The following SRP72 variants were observed in gnomAD, a reference collection of about 807,000 sequenced individuals.
The protein encoded by SRP72 is signal recognition particle subunit SRP72.
Under a neutral mutation model 96.3 loss-of-function variants are expected in SRP72, and 49 were observed. The observed-to-expected ratio is 0.51, with a 90% CI of 0.40 to 0.65. SRP72 has a LOEUF of 0.65. Among genes scored for constraint, SRP72 ranks in the 30% least tolerant of loss-of-function variants. The probability of loss-of-function intolerance (pLI) is 0.00; values close to 1 mark genes in which losing one functional copy is unlikely to be tolerated. For missense variants in SRP72, 736 were observed against 793.3 expected (o/e 0.93, Z 0.87); for synonymous variants, 267 against 275.2 (o/e 0.97, Z 0.30).
At chr4:56,488,382 T>C (rs1425412544) in intron 12 of SRP72, among the ~76,000 whole-genome samples, 1 of 152,208 alleles carries the variant, frequency 6.6e-6, no homozygotes, top group Admixed American at 6.5e-5. Context: ...TATTCAAATA[T>C]TGCAGGTTTC....
At chr4:56,482,070 G>T (rs566950887) in intron 8 of SRP72, among the ~76,000 whole-genome samples, 1 of 150,526 alleles carries the variant, frequency 6.6e-6, no homozygotes. Flanking sequence ...GGCCATGGTG[G>T]TATCATTTTT....
rs779812008 is a variant in SRP72, at chr4:56,474,100, A to T, written c.401A>T (p.Asp134Val). The change falls in exon 4 of 19, where the codon GAT becomes GTT. Residue 134 changes from aspartate to valine, a missense_variant. By Grantham distance (152) the Asp-to-Val change is radical. This residue lies in a region of SRP72 where 329 missense variants were observed against 319.0 expected (regional missense o/e 1.03). Coordinates refer to ENST00000642900, the MANE Select transcript of SRP72 (RefSeq NM_006947.4). Reference protein sequence around the residue: ...RYDECLAVYRDLVRNSQDDYD... With the variant: ...RYDECLAVYRVLVRNSQDDYD... Reference sequence around the variant, plus strand: ...GATGAATGCTTAGCAGTGTATAGAGATCTCGTCCGAAACTCCCAAGATGAT... The same window carrying T: ...GATGAATGCTTAGCAGTGTATAGAGTTCTCGTCCGAAACTCCCAAGATGAT... 1 of 1,614,096 alleles carries T rather than the reference A, an allele frequency of 6.2e-7. No homozygotes were observed. The highest frequency in any genetic ancestry group is 1.3e-5 in the African/African-American group (1 of 75,048).
Position 56,501,938 on chromosome 4 carries a change from G to A in SRP72, c.*77G>A, listed in dbSNP as rs769706907. On this transcript the variant is annotated 3_prime_UTR_variant, in exon 19 of 19. Transcript: ENST00000642900. ...GAATATAATAAAGGTAACACAGCAAGAAGCACAGAACTACTCCCTCTTCAT... is the reference window on the plus strand; with the variant it reads ...GAATATAATAAAGGTAACACAGCAAAAAGCACAGAACTACTCCCTCTTCAT... The A allele has an allele frequency of 6.9e-7, 1 of 1,449,410 alleles. No individual in the cohort carries two copies. Among genetic ancestry groups the A allele is most frequent in the East Asian group, 2.3e-5 (1 of 43,864 alleles). The allele number at this position is 1,449,410 out of a possible 1,614,324, so 89.8% of individuals were successfully genotyped here. A position where few individuals can be genotyped will look rare whatever the true frequency, so the allele number is the denominator to read the frequency against.
intron 18 of SRP72, 134 bp downstream of exon 18, chr4:56,500,829 C>G (rs913288728): frequency 3.6e-6 from 3 of 844,526 alleles, no homozygotes; most frequent in Non-Finnish European, 5.1e-6. Context: ...TTATACTACA[C>G]TTATGCAAAT....
chr4:56,478,767 T>C (rs1720351230), intron 8 of SRP72, 118 bp downstream of exon 8: 1 of 991,160 alleles, frequency 1.0e-6, no homozygotes, highest in Admixed American at 2.8e-5. Context: ...AAAAGTCCAG[T>C]TGTAGCAAAA....
At chr4:56,475,140 CAA>C (rs1466529568) in intron 5 of SRP72, among the ~76,000 whole-genome samples, 2 of 152,110 alleles carry the variant, frequency 1.3e-5, no homozygotes, top group African/African-American at 2.4e-5. Flanking sequence ...AAAGGTGAAA[CAA>C]AGTCTGTTTT....
At chr4:56,477,966 A>G (rs1184294835) in intron 6 of SRP72, among the ~76,000 whole-genome samples, 7 of 152,156 alleles carry the variant, frequency 4.6e-5, no homozygotes, top group Non-Finnish European at 8.8e-5. Context: ...AGAGAAAAGC[A>G]TTTTTAAATG....
intron 6 of SRP72, among the ~76,000 whole-genome samples, chr4:56,477,738 G>A (rs1042578197): frequency 6.6e-6 from 1 of 152,190 alleles, no homozygotes; most frequent in Non-Finnish European, 1.5e-5. Flanking sequence ...TTAAAGGACT[G>A]TTGTCTCCTA....
At chr4:56,471,362 A>G (rs17086801) in intron 2 of SRP72, among the ~76,000 whole-genome samples, 12,670 of 152,258 alleles carry the variant, frequency 0.083, 682 homozygotes, top group East Asian at 0.27. Flanking sequence ...TTGTTTTGTT[A>G]ATGAATTTAA....
intron 9 of SRP72, among the ~76,000 whole-genome samples, chr4:56,484,003 T>C (rs1172573387): frequency 6.7e-6 from 1 of 149,444 alleles, no homozygotes; most frequent in Non-Finnish European, 1.5e-5. Flanking sequence ...GCAGAAGTTT[T>C]AGTGGGAGAC....
chr4:56,499,031 A>G (rs1209652056), intron 17 of SRP72, among the ~76,000 whole-genome samples: 1 of 152,230 alleles, frequency 6.6e-6, no homozygotes, highest in Non-Finnish European at 1.5e-5. Context: ...ACAAGGCTAC[A>G]GTAACCAAAA....
rs1183926774 is a variant in SRP72 at position 56,503,555 on chromosome 4, T to C, written c.*1694T>C. 1.3e-5 allele frequency: 2 copies of C among 152,236 alleles called. No homozygotes were observed. Among genetic ancestry groups the C allele is most frequent in the African/African-American group, 4.8e-5 (2 of 41,468 alleles). 9.4% of individuals were successfully genotyped at this position (152,236 alleles called of 1,614,324 possible). A position where few individuals can be genotyped will look rare whatever the true frequency, so the allele number is the denominator to read the frequency against. On this transcript the variant is annotated 3_prime_UTR_variant, in exon 19 of 19. Coordinates refer to ENST00000642900, the MANE Select transcript of SRP72 (RefSeq NM_006947.4). ...ATATTTCCTCTTTTGGATAGGTCTT[T>C]AACCAGTTCATATATATACTTTGTC...
intron 5 of SRP72, among the ~76,000 whole-genome samples, chr4:56,475,394 CAAAA>C (rs1322656151): frequency 9.4e-6 from 1 of 106,468 alleles, no homozygotes; most frequent in Non-Finnish European, 1.8e-5. Context: ...TTCGTTTTTA[CAAAA>C]AAAAAATATA....
rs1054424408 is a variant in SRP72, at chr4:56,467,668, A to G, written c.33A>G (p.Val11=). The change falls in exon 1 of 19, where the codon GTA becomes GTG. Residue 11 remains valine, a synonymous_variant. Transcript: ENST00000642900. The stretch of plus-strand genomic sequence containing the variant: ...GCGGCGGCAGCGGGGGGGTGTCAGT[A>G]CCTGCGCTGTGGAGTGAAGTGAACC... MASGGSGGVS[V]PALWSEVNRY... is the part of the protein sequence containing the mutation. 1.3e-6 allele frequency: 2 copies of G among 1,561,350 alleles called. No homozygotes were observed. The highest frequency in any genetic ancestry group is 3.9e-5 in the Admixed American group (2 of 51,772).
At position 56,467,859 on chromosome 4, in the gene SRP72, C is replaced by T. The variant is rs544134283; in HGVS notation, c.109+115C>T. ...CACGGGAAGGGGAGACCCCCGAAAC[C>T]CCCCCGTCTATTGTCCGCCCGGCTC... On this transcript the variant is annotated intron_variant, in intron 1 of 18. Coordinates refer to ENST00000642900, the MANE Select transcript of SRP72 (RefSeq NM_006947.4). 4.8e-6 allele frequency: 5 copies of T among 1,036,134 alleles called. No homozygotes were observed. In the East Asian group the frequency reaches 9.8e-5, roughly 20 times the overall value. 64.2% of individuals were successfully genotyped at this position (1,036,134 alleles called of 1,614,324 possible).
chr4:56,492,932 C>T (rs1372405026), intron 16 of SRP72, among the ~76,000 whole-genome samples: 1 of 152,156 alleles, frequency 6.6e-6, no homozygotes, highest in Non-Finnish European at 1.5e-5. Context: ...CTCCAGTGAG[C>T]AGTGATTGCA....
chr4:56,491,056 T>C (rs750635990), intron 15 of SRP72, among the ~76,000 whole-genome samples: 3 of 152,214 alleles, frequency 2.0e-5, no homozygotes, highest in Admixed American at 6.5e-5. Context: ...TTGGATCATA[T>C]GTGCTACTCT....
chr4:56,473,856 A>G (rs1720089070), intron 3 of SRP72, among the ~76,000 whole-genome samples, 198 bp from the exon 4 acceptor site: 2 of 152,234 alleles, frequency 1.3e-5, no homozygotes, highest in Non-Finnish European at 2.9e-5. Context: ...TCATTTTAAA[A>G]GTATTTTCAA....
At chr4:56,481,070 G>A (rs544396890) in intron 8 of SRP72, among the ~76,000 whole-genome samples, 8 of 152,288 alleles carry the variant, frequency 5.3e-5, no homozygotes, top group Middle Eastern at 3.4e-3. Context: ...GCAGTGACGT[G>A]CACAATTAAT....
Sources: allele counts gnomAD v4.1 joint callset (sites outside exome capture counted in the v4.1 genomes callset), GRCh38; gene constraint gnomAD v4.1.1; regional missense constraint gnomAD v4.1.1; transcripts MANE v1.5; gene names NCBI Gene and HGNC (gene_info 2026-07-23, HGNC 2026-07-21).